Variants in KRT86 observed in about 807,000 individuals in gnomAD.
The protein encoded by KRT86 is keratin, type II cuticular Hb6.
KRT86 carries 30 observed loss-of-function variants against 41.2 expected under a neutral mutation model. The ratio of observed to expected loss-of-function variants is 0.73; its 90% CI spans 0.54 to 0.99. KRT86 has a LOEUF of 0.99. Ranked by LOEUF, KRT86 falls within the 50% of genes least tolerant of loss-of-function variation. The pLI is 0.00. For missense variants in KRT86, 561 were observed against 571.4 expected (o/e 0.98, Z 0.19); for synonymous variants, 238 against 238.1 (o/e 1.00, Z 0.00).
chr12:52,280,148 A>G (rs1336657282), intron 2 of KRT86, among the ~76,000 whole-genome samples: 1 of 152,204 alleles, frequency 6.6e-6, no homozygotes, highest in Non-Finnish European at 1.5e-5. Flanking sequence ...AGTTGTGTTA[A>G]TATGATCTGG....
At position 52,286,470 on chromosome 12, in the gene KRT86, C is replaced by T. The variant is rs768915549; in HGVS notation, c.-5+10524C>T. ...GACACGCAGAGGTCCCCGCACACGA[C>T]CCCGCCCCGGGAGCTGCTGACACCT... On this transcript the variant is annotated intron_variant, in intron 2 of 10. Coordinates refer to ENST00000423955, the MANE Select transcript of KRT86 (RefSeq NM_001320198.2). 3 of 1,552,420 alleles carry T rather than the reference C, an allele frequency of 1.9e-6. No homozygotes were observed. The South Asian group carries it at 3.6e-5, about 18-fold the overall frequency.
At chr12:52,291,682 G>T in intron 2 of KRT86, 2 of 652,320 alleles carry the variant, frequency 3.1e-6, no homozygotes, top group Non-Finnish European at 5.1e-6. Flanking sequence ...TGGGGGAGTG[G>T]CCTGCACCCT....
rs1323064320 is a variant in KRT86 at position 52,309,141 on chromosome 12, A to G, written c.*556A>G. ...GTCTTTGTTTCACTCTGTGTTTCCA[A>G]TAAACTCATTGTAGCGAATCAAGCC... On this transcript the variant is annotated 3_prime_UTR_variant, in exon 11 of 11. Transcript: ENST00000423955. 1 of 153,686 alleles carries G rather than the reference A, an allele frequency of 6.5e-6. No individual in the cohort carries two copies. The highest frequency in any genetic ancestry group is 2.4e-5 in the African/African-American group (1 of 41,454). The allele number at this position is 153,686 out of a possible 1,614,324, so 9.5% of individuals were successfully genotyped here. A position where few individuals can be genotyped will look rare whatever the true frequency, so the allele number is the denominator to read the frequency against.
At chr12:52,277,505 C>T (rs10876258) in intron 2 of KRT86, 37,826 of 152,272 alleles carry the variant, frequency 0.25, 5,756 homozygotes, top group East Asian at 0.4. Flanking sequence ...CCTTCGCTCC[C>T]TACGCCCTGT....
At chr12:52,297,448 TC>T (rs1436660213) in intron 2 of KRT86, among the ~76,000 whole-genome samples, 2 of 151,922 alleles carry the variant, frequency 1.3e-5, no homozygotes, top group Non-Finnish European at 2.9e-5. Flanking sequence ...AATCCCCGAG[TC>T]CCCCATCTGG....
chr12:52,288,464 G>C (rs767675428), intron 2 of KRT86: 1 of 1,614,066 alleles, frequency 6.2e-7, no homozygotes, highest in African/African-American at 1.3e-5. Flanking sequence ...ATCCTGGAAA[G>C]GTGGGGAGTG....
intron 2 of KRT86, among the ~76,000 whole-genome samples, chr12:52,295,735 A>G (rs774408680): frequency 1.3e-5 from 2 of 152,250 alleles, no homozygotes; most frequent in African/African-American, 4.8e-5. Context: ...GGCTTGTCAC[A>G]TAGTAGGTGC....
chr12:52,299,666 TGTG>T (rs1732716986), intron 2 of KRT86, among the ~76,000 whole-genome samples: 1 of 152,252 alleles, frequency 6.6e-6, no homozygotes, highest in South Asian at 2.1e-4. Flanking sequence ...ATAATCTTAT[TGTG>T]GTATTGATTT....
chr12:52,308,561 C>A lies in KRT86; in HGVS notation c.1437C>A (p.Cys479Ter), dbSNP rs1447225001. The A allele has an allele frequency of 2.5e-6, 4 of 1,599,280 alleles. No homozygotes were observed. Among genetic ancestry groups the A allele is most frequent in the Non-Finnish European group, 1.7e-6 (2 of 1,179,746 alleles). ...CCCCCTCCGCCCGGGTTGGCGTCTG[C>A]GGCGGCAGCTGTAAGAGGTGCTAGG... ...ACAPSARVGV[C>*]GGSCKRC The change falls in exon 11 of 11, where the codon TGC becomes TGA. Residue 479 changes from cysteine to a stop codon, truncating the protein, a stop_gained. Transcript: ENST00000423955. LOFTEE classifies it high-confidence loss of function.
intron 2 of KRT86, among the ~76,000 whole-genome samples, chr12:52,284,821 A>G (rs1777759370): frequency 6.6e-6 from 1 of 152,140 alleles, no homozygotes; most frequent in African/African-American, 2.4e-5. Context: ...CTTGGCCCAT[A>G]GTGGGGCTGA....
chr12:52,286,294 C>G (rs377741143), intron 2 of KRT86: 1 of 1,554,502 alleles, frequency 6.4e-7, no homozygotes, highest in Non-Finnish European at 8.7e-7. Flanking sequence ...ACCCCACACC[C>G]AGGGAGCTGA....
chr12:52,308,788 C>G lies in KRT86; in HGVS notation c.*203C>G. The stretch of plus-strand genomic sequence containing the variant: ...AGGGCCGGGAGGCGCCATGGTCTCT[C>G]TCTGTAGCCTTTCCTGGTAGTCAAT... On this transcript the variant is annotated 3_prime_UTR_variant, in exon 11 of 11. Coordinates refer to ENST00000423955, the MANE Select transcript of KRT86 (RefSeq NM_001320198.2). 1 of 589,340 alleles carries G rather than the reference C, an allele frequency of 1.7e-6. No homozygotes were observed. The highest frequency in any genetic ancestry group is 2.0e-5 in the South Asian group (1 of 48,954). 36.5% of individuals were successfully genotyped at this position (589,340 alleles called of 1,614,324 possible).
At chr12:52,288,860 G>C (rs575394768) in intron 2 of KRT86, among the ~76,000 whole-genome samples, 1 of 151,718 alleles carries the variant, frequency 6.6e-6, no homozygotes, top group South Asian at 2.1e-4. Flanking sequence ...CTGCCTCAAG[G>C]TCAGACTCCC....
chr12:52,305,378 G>C lies in KRT86; in HGVS notation c.874G>C (p.Glu292Gln). The C allele has an allele frequency of 1.2e-6, 2 of 1,614,250 alleles. No individual in the cohort carries two copies. Among genetic ancestry groups the C allele is most frequent in the Non-Finnish European group, 1.7e-6 (2 of 1,180,044 alleles). ...TGACATTGTCACCCGTAGCCGGGCTGAGGCCGAGTCCTGGTACCGCAGCAA... is the reference window on the plus strand; with the variant it reads ...TGACATTGTCACCCGTAGCCGGGCTCAGGCCGAGTCCTGGTACCGCAGCAA... The part of the protein sequence containing the change: ...YDDIVTRSRA[E>Q]AESWYRSKCE... The change falls in exon 7 of 11, where the codon GAG becomes CAG. Residue 292 changes from glutamate (E) to glutamine (Q), a missense_variant. Physicochemically the swap from Glu to Gln is conservative, Grantham distance 29 (BLOSUM62 2). Around this residue, in one of 3 missense-constraint regions of KRT86, gnomAD observed 397 missense variants for 375.9 expected, o/e 1.06. Transcript: ENST00000423955.
intron 2 of KRT86, among the ~76,000 whole-genome samples, chr12:52,292,671 TTTTTATTTTA>T (rs1555186646): frequency 1.3e-5 from 1 of 76,314 alleles, no homozygotes; most frequent in African/African-American, 5.6e-5. Flanking sequence ...TTATTATTTA[TTTTTATTTTA>T]TTTATTGTTT....
Position 52,308,983 on chromosome 12 carries a change from G to A in KRT86, c.*398G>A, listed in dbSNP as rs1938583188. ...GCCCATGTGCTTTTGCCTGTGGAAT[G>A]GAGACGCGGACCCTGGATAGTGGTT... On this transcript the variant is annotated 3_prime_UTR_variant, in exon 11 of 11. Transcript: ENST00000423955. 6 of 253,450 alleles carry A rather than the reference G, an allele frequency of 2.4e-5. No homozygotes were observed. In the South Asian group the frequency reaches 3.1e-4, roughly 13 times the overall value. The allele number at this position is 253,450 out of a possible 1,614,324, so 15.7% of individuals were successfully genotyped here.
rs755794129 is a variant in KRT86, at chr12:52,302,042, C to A, written c.126C>A (p.Thr42=). The part of the protein sequence containing the change: ...YRGISCYRGL[T]GGFGSHSVCG... Reference sequence around the variant, plus strand: ...GCATCTCCTGCTACCGCGGCCTCACCGGGGGCTTCGGCAGCCACAGCGTGT... The same window carrying A: ...GCATCTCCTGCTACCGCGGCCTCACAGGGGGCTTCGGCAGCCACAGCGTGT... Residue 42 remains threonine, a synonymous_variant, in exon 3 of 11, where the codon ACC becomes ACA. Coordinates refer to ENST00000423955, the MANE Select transcript of KRT86 (RefSeq NM_001320198.2). 1 of 1,607,758 alleles carries A rather than the reference C, an allele frequency of 6.2e-7. No homozygotes were observed. Among genetic ancestry groups the A allele is most frequent in the South Asian group, 1.1e-5 (1 of 90,844 alleles).
In KRT86 at chr12:52,296,976, C is replaced by T. The variant is rs375349872; in HGVS notation, c.-4-4937C>T. On this transcript the variant is annotated intron_variant, in intron 2 of 10. Coordinates refer to ENST00000423955, the MANE Select transcript of KRT86 (RefSeq NM_001320198.2). ...CTGCTTATGAGGGCTGTGCCTCAAC[C>T]GGCATTCTCCCTCTCTCTCCGCTGT... Among the ~76,000 whole-genome samples the T allele has an allele frequency of 6.6e-5, 10 of 152,208 alleles. No individual in the cohort carries two copies. The South Asian group carries it at 1.4e-3, about 22-fold the overall frequency.
Position 52,304,997 on chromosome 12 carries a change from G to A in KRT86, c.705G>A (p.Glu235=), listed in dbSNP as rs200085173. Residue 235 remains glutamate (E), a synonymous_variant, in exon 6 of 11, where the codon GAG becomes GAA. Coordinates refer to ENST00000423955, the MANE Select transcript of KRT86 (RefSeq NM_001320198.2). ...CCAATGTGGAGGCCCTGATCCAGGAGATCGACTTCCTGAGGCGGCTGTATG... is the reference window on the plus strand; with the variant it reads ...CCAATGTGGAGGCCCTGATCCAGGAAATCGACTTCCTGAGGCGGCTGTATG... The part of the protein sequence containing the change: ...LEANVEALIQ[E]IDFLRRLYEE... The A allele has an allele frequency of 1.2e-6, 2 of 1,614,156 alleles. No homozygotes were observed. Among genetic ancestry groups the A allele is most frequent in the East Asian group, 2.2e-5 (1 of 44,876 alleles).
Sources: gnomAD v4.1 joint callset for allele counts (sites outside exome capture counted in the v4.1 genomes callset) on GRCh38, gnomAD v4.1.1 for gene constraint, gnomAD v4.1.1 regional missense constraint, MANE v1.5 for transcripts, NCBI Gene and HGNC (gene_info 2026-07-23, HGNC 2026-07-21) for gene names.